The following IPMK variants were observed in gnomAD, a reference collection of about 807,000 sequenced individuals.
The protein encoded by IPMK is inositol 1,3,4,6-tetrakisphosphate 5-kinase.
In IPMK, 17 loss-of-function variants were observed where a neutral mutation model predicts 45.8. That is an observed-to-expected ratio of 0.37 (90% CI 0.25 to 0.56). IPMK has a LOEUF of 0.56. Ranked by LOEUF, IPMK falls within the 20% of genes least tolerant of loss-of-function variation. IPMK has a pLI of 0.79. For missense variants in IPMK, 399 were observed against 498.0 expected, an observed-to-expected ratio of 0.80 and a Z score of 1.89; for synonymous variants, 180 against 184.3, an observed-to-expected ratio of 0.98 and a Z score of 0.19.
chr10:58,216,572 G>A (rs1191306561), intron 3 of IPMK, among the ~76,000 whole-genome samples: 1 of 151,574 alleles, frequency 6.6e-6, no homozygotes, highest in Non-Finnish European at 1.5e-5. Context: ...CAGCAGATAC[G>A]AGGTTTCCAA....
At chr10:58,198,186 C>T (rs896780316) in intron 5 of IPMK, among the ~76,000 whole-genome samples, 14 of 152,304 alleles carry the variant, frequency 9.2e-5, no homozygotes, top group Admixed American at 8.5e-4. Flanking sequence ...TTTTCATTTG[C>T]TCTCAATAAT....
chr10:58,230,947 C>T (rs2790229), intron 2 of IPMK, among the ~76,000 whole-genome samples: 7,859 of 152,136 alleles, frequency 0.052, 441 homozygotes, highest in African/African-American at 0.14. Flanking sequence ...TTAGATGAAT[C>T]GCTAACTAGA....
intron 1 of IPMK, among the ~76,000 whole-genome samples, chr10:58,246,496 G>A (rs932005758): frequency 3.5e-5 from 5 of 142,860 alleles, no homozygotes; most frequent in African/African-American, 8.6e-5. Flanking sequence ...CAGAAATAAC[G>A]CCGCATATCT....
chr10:58,236,084 C>A (rs1467637030), intron 2 of IPMK, among the ~76,000 whole-genome samples: 1 of 147,890 alleles, frequency 6.8e-6, no homozygotes, highest in African/African-American at 2.6e-5. Flanking sequence ...ACGTGCCACC[C>A]ACAGTGGGTT....
At chr10:58,235,957 T>G (rs554308676) in intron 2 of IPMK, among the ~76,000 whole-genome samples, 1 of 151,342 alleles carries the variant, frequency 6.6e-6, no homozygotes, top group South Asian at 2.1e-4. Flanking sequence ...AGAGAGAGTC[T>G]CACCCTGTCC....
At chr10:58,252,706 G>A (rs778884637) in intron 1 of IPMK, among the ~76,000 whole-genome samples, 12 of 148,442 alleles carry the variant, frequency 8.1e-5, no homozygotes, top group Middle Eastern at 7.2e-3. Flanking sequence ...TCCACCTTCC[G>A]GGTTCAAGTG....
chr10:58,241,342 T>C (rs1838694025), intron 1 of IPMK, among the ~76,000 whole-genome samples: 1 of 152,088 alleles, frequency 6.6e-6, no homozygotes, highest in Admixed American at 6.5e-5. Context: ...TAAAAAATAA[T>C]AGTAATCTAC....
rs1394797892 is a variant in IPMK, at chr10:58,194,200, C to T, written c.*1876G>A. On this transcript the variant is annotated 3_prime_UTR_variant, in exon 6 of 6. Coordinates refer to ENST00000373935, the MANE Select transcript of IPMK (RefSeq NM_152230.5). Reference sequence around the variant, plus strand: ...TTGATATCATCCCATACAAAAAAAGCCTCAGTATCTTGTTAAGATTCAAAA... The same window carrying T: ...TTGATATCATCCCATACAAAAAAAGTCTCAGTATCTTGTTAAGATTCAAAA... The T allele has an allele frequency of 6.6e-6, 1 of 151,620 alleles. No homozygotes were observed. The highest frequency in any genetic ancestry group is 2.4e-5 in the African/African-American group (1 of 41,364). 9.4% of individuals were successfully genotyped at this position (151,620 alleles called of 1,614,324 possible). A position where few individuals can be genotyped will look rare whatever the true frequency, so the allele number is the denominator to read the frequency against.
intron 4 of IPMK, among the ~76,000 whole-genome samples, chr10:58,206,470 TA>T (rs1448794836): frequency 6.6e-6 from 1 of 152,224 alleles, no homozygotes; most frequent in Non-Finnish European, 1.5e-5. Flanking sequence ...GACATCTCGC[TA>T]AAGCTATTTT....
At chr10:58,234,178 A>C (rs543948587) in intron 2 of IPMK, among the ~76,000 whole-genome samples, 10 of 152,328 alleles carry the variant, frequency 6.6e-5, no homozygotes, top group Non-Finnish European at 1.2e-4. Flanking sequence ...ACACAAACAA[A>C]GGGAAGAATA....
At chr10:58,249,142 TA>T (rs1345186182) in intron 1 of IPMK, among the ~76,000 whole-genome samples, 2 of 152,366 alleles carry the variant, frequency 1.3e-5, no homozygotes. Flanking sequence ...TTTACATACC[TA>T]ACAACTGTGT....
At chr10:58,208,073 T>G (rs1415387497) in intron 4 of IPMK, among the ~76,000 whole-genome samples, 2 of 152,146 alleles carry the variant, frequency 1.3e-5, no homozygotes, top group Non-Finnish European at 2.9e-5. Context: ...CCCCAGCAGC[T>G]GGGACTACAG....
chr10:58,207,028 G>T (rs1838080590), intron 4 of IPMK, among the ~76,000 whole-genome samples: 1 of 152,072 alleles, frequency 6.6e-6, no homozygotes. Flanking sequence ...TTGAGACGGA[G>T]TCTTGCTCTG....
At chr10:58,204,597 T>G (rs11006077) in intron 4 of IPMK, among the ~76,000 whole-genome samples, 111 of 152,236 alleles carry the variant, frequency 7.3e-4, no homozygotes, top group African/African-American at 2.6e-3. Context: ...AGTTCAAGAC[T>G]AGCCTAGGAA....
chr10:58,208,946 T>G (rs543613921), intron 4 of IPMK, among the ~76,000 whole-genome samples: 1 of 152,036 alleles, frequency 6.6e-6, no homozygotes, highest in Non-Finnish European at 1.5e-5. Flanking sequence ...TTTATCAGAG[T>G]GAAGAGTGGG....
rs1489003746 is a variant in IPMK, at chr10:58,212,366, C to T, written c.546+3779G>A. 2.6e-5 allele frequency among the ~76,000 whole-genome samples: 4 copies of T among 152,270 alleles called. No homozygotes were observed. In the South Asian group the frequency reaches 6.2e-4, roughly 24 times the overall value. ...TTGTTTTTAGATAACCTACATGACA[C>T]GTTTTTCTTAAAAACAATGCATCCA... On this transcript the variant is annotated intron_variant, in intron 4 of 5. Transcript: ENST00000373935.
At chr10:58,239,338 T>A (rs1379048725) in intron 1 of IPMK, among the ~76,000 whole-genome samples, 1 of 152,184 alleles carries the variant, frequency 6.6e-6, no homozygotes, top group Non-Finnish European at 1.5e-5. Context: ...AAGGCCTTTA[T>A]TCCCATGGTT....
At chr10:58,259,045 T>C (rs778154961) in intron 1 of IPMK, among the ~76,000 whole-genome samples, 7 of 152,158 alleles carry the variant, frequency 4.6e-5, no homozygotes, top group Non-Finnish European at 1.0e-4. Context: ...AAAAAGAACT[T>C]TGTGGTGCTG....
chr10:58,261,368 A>T (rs1839063798), intron 1 of IPMK, among the ~76,000 whole-genome samples: 1 of 151,702 alleles, frequency 6.6e-6, no homozygotes, highest in South Asian at 2.1e-4. Flanking sequence ...AGGGAGTGAA[A>T]TTTTTTATTA....
Sources: allele counts gnomAD v4.1 joint callset (sites outside exome capture counted in the v4.1 genomes callset), GRCh38; gene constraint gnomAD v4.1.1; transcripts MANE v1.5; gene names NCBI Gene and HGNC (gene_info 2026-07-23, HGNC 2026-07-21).